Variants in SNX9 observed in about 807,000 individuals in gnomAD.
SNX9 encodes sorting nexin 9, also known as sorting nexin-9.
SNX9 carries 44 observed loss-of-function variants against 89.4 expected under a neutral mutation model. The observed-to-expected ratio is 0.49, with a 90% CI of 0.39 to 0.63. The LOEUF (loss-of-function observed/expected upper bound fraction) is 0.63, where lower values mean the gene tolerates loss of function less well. Ranked by LOEUF, SNX9 falls within the 30% of genes least tolerant of loss-of-function variation. The probability of loss-of-function intolerance (pLI) is 0.00; values close to 1 mark genes in which losing one functional copy is unlikely to be tolerated. For synonymous variants in SNX9, 236 were observed against 247.8 expected, an observed-to-expected ratio of 0.95 and a Z score of 0.45; for missense variants, 578 against 736.1, an observed-to-expected ratio of 0.79 and a Z score of 2.49.
intron 4 of SNX9, among the ~76,000 whole-genome samples, chr6:157,892,192 G>T (rs1380697624): frequency 6.6e-6 from 1 of 152,194 alleles, no homozygotes; most frequent in East Asian, 1.9e-4. Context: ...AGGTTTTACC[G>T]TGACGAGGTG....
intron 4 of SNX9, 180 bp downstream of exon 4, chr6:157,875,356 T>C (rs935496150): frequency 2.3e-6 from 2 of 860,562 alleles, no homozygotes; most frequent in Non-Finnish European, 3.3e-6. Flanking sequence ...TTAAGCCTGA[T>C]AATGACTGTT....
intron 4 of SNX9, among the ~76,000 whole-genome samples, chr6:157,896,312 A>T (rs1263704364): frequency 6.6e-6 from 1 of 152,232 alleles, no homozygotes; most frequent in Non-Finnish European, 1.5e-5. Context: ...TAAAAAGCCT[A>T]CTTAAAAATA....
At chr6:157,915,846 GT>G (rs1332475251) in intron 9 of SNX9, among the ~76,000 whole-genome samples, 1 of 123,760 alleles carries the variant, frequency 8.1e-6, no homozygotes, top group African/African-American at 3.1e-5. Flanking sequence ...AGATTTATAT[GT>G]AAGAATTTCA....
intron 1 of SNX9, among the ~76,000 whole-genome samples, chr6:157,844,852 C>A (rs1007561723): frequency 3.3e-5 from 5 of 152,146 alleles, no homozygotes; most frequent in Admixed American, 6.5e-5. Flanking sequence ...ACCTTGGTCT[C>A]CCAAAGTGCT....
chr6:157,939,206 G>T (rs1783986585), intron 16 of SNX9, among the ~76,000 whole-genome samples: 1 of 152,108 alleles, frequency 6.6e-6, no homozygotes, highest in Admixed American at 6.5e-5. Flanking sequence ...GCAGCAAGTG[G>T]ATTTTTCCTG....
At chr6:157,939,075 C>T (rs1024197795) in intron 16 of SNX9, among the ~76,000 whole-genome samples, 3 of 151,872 alleles carry the variant, frequency 2.0e-5, no homozygotes, top group African/African-American at 7.3e-5. Context: ...CTGTAACCTG[C>T]GTGCCTTGGG....
At chr6:157,903,794 C>A (rs2115172237) in intron 6 of SNX9, among the ~76,000 whole-genome samples, 1 of 152,254 alleles carries the variant, frequency 6.6e-6, no homozygotes, top group East Asian at 1.9e-4. Flanking sequence ...GTTGGAACCT[C>A]AGTTTCTTCA....
intron 9 of SNX9, among the ~76,000 whole-genome samples, chr6:157,911,576 C>T (rs1214644963): frequency 2.0e-5 from 3 of 152,182 alleles, no homozygotes; most frequent in Non-Finnish European, 2.9e-5. Context: ...TTCATCTTCA[C>T]TTTATAGATG....
At chr6:157,911,191 G>T (rs1783335944) in intron 9 of SNX9, among the ~76,000 whole-genome samples, 1 of 152,178 alleles carries the variant, frequency 6.6e-6, no homozygotes, top group African/African-American at 2.4e-5. Context: ...TTAGTATATT[G>T]CTAGAAAATG....
intron 2 of SNX9, among the ~76,000 whole-genome samples, chr6:157,870,500 TCACA>T (rs934120674): frequency 5.4e-5 from 8 of 147,792 alleles, no homozygotes; most frequent in African/African-American, 2.0e-4. Flanking sequence ...TCACCTGCTC[TCACA>T]CATACATGCA....
At chr6:157,845,549 A>G (rs1303244907) in intron 1 of SNX9, among the ~76,000 whole-genome samples, 2 of 152,264 alleles carry the variant, frequency 1.3e-5, no homozygotes, top group Non-Finnish European at 2.9e-5. Flanking sequence ...TTGCATAGCT[A>G]TAGTAACTTA....
intron 1 of SNX9, among the ~76,000 whole-genome samples, chr6:157,832,422 C>A (rs1583188776): frequency 6.6e-6 from 1 of 152,228 alleles, no homozygotes; most frequent in Non-Finnish European, 1.5e-5. Flanking sequence ...GGCAGGCTGT[C>A]TGCAGGGGCA....
chr6:157,862,085 G>A (rs1299170480), intron 1 of SNX9, among the ~76,000 whole-genome samples: 1 of 152,134 alleles, frequency 6.6e-6, no homozygotes, highest in South Asian at 2.1e-4. Context: ...CTGATAAATT[G>A]TTTATTTCTG....
chr6:157,836,264 A>T (rs1781581133), intron 1 of SNX9, among the ~76,000 whole-genome samples: 1 of 152,066 alleles, frequency 6.6e-6, no homozygotes, highest in Non-Finnish European at 1.5e-5. Context: ...CATCTTGTGC[A>T]CGTTCTGGAG....
In SNX9 at chr6:157,901,966, T is replaced by TCAGA; in HGVS notation, c.542_545dup (p.Glu182AspfsTer5). ...CAAATCCTCTTCCTACTTTAAGGAT[T>TCAGA]CAGAGTCAGCTGATGCAGGCGGCGC... On this transcript the variant is annotated frameshift_variant, in exon 6 of 18. Coordinates refer to ENST00000392185, the MANE Select transcript of SNX9 (RefSeq NM_016224.5). LOFTEE classifies it high-confidence loss of function. 6.2e-7 allele frequency: 1 copy of TCAGA among 1,614,022 alleles called. No homozygotes were observed. Among genetic ancestry groups the TCAGA allele is most frequent in the Non-Finnish European group, 8.5e-7 (1 of 1,179,984 alleles).
intron 1 of SNX9, among the ~76,000 whole-genome samples, chr6:157,862,338 T>C (rs1782153027): frequency 6.6e-6 from 1 of 151,810 alleles, no homozygotes; most frequent in Admixed American, 6.6e-5. Context: ...CGTTAAATAT[T>C]ATACAATTTT....
At chr6:157,892,334 G>A (rs1346028043) in intron 4 of SNX9, among the ~76,000 whole-genome samples, 3 of 152,180 alleles carry the variant, frequency 2.0e-5, no homozygotes, top group Admixed American at 2.0e-4. Flanking sequence ...GGACCTGCCA[G>A]GGCAGTAAAA....
chr6:157,861,540 A>C (rs1343059475), intron 1 of SNX9, among the ~76,000 whole-genome samples: 1 of 152,228 alleles, frequency 6.6e-6, no homozygotes, highest in Non-Finnish European at 1.5e-5. Context: ...CAGTGGGTTG[A>C]ATCTAATAGC....
intron 1 of SNX9, among the ~76,000 whole-genome samples, chr6:157,843,059 G>A (rs1562591660): frequency 6.6e-6 from 1 of 152,084 alleles, no homozygotes; most frequent in Non-Finnish European, 1.5e-5. Context: ...AGATAGAGTT[G>A]GTTAGGTCTG....
Sources: gnomAD v4.1 joint callset for allele counts (sites outside exome capture counted in the v4.1 genomes callset) on GRCh38, gnomAD v4.1.1 for gene constraint, MANE v1.5 for transcripts, NCBI Gene and HGNC (gene_info 2026-07-23, HGNC 2026-07-21) for gene names.